The following SSH2 variants were observed in gnomAD, a reference collection of about 807,000 sequenced individuals.
SSH2 encodes slingshot protein phosphatase 2, also known as protein phosphatase Slingshot homolog 2.
Under a neutral mutation model 135.2 loss-of-function variants are expected in SSH2, and 37 were observed. The observed-to-expected ratio is 0.27, with a 90% confidence interval of 0.21 to 0.36. SSH2 has a LOEUF of 0.36. Among genes scored for constraint, SSH2 ranks in the 10% least tolerant of loss-of-function variants. The pLI, the probability that SSH2 is intolerant of heterozygous loss-of-function variation, is 1.00. For synonymous variants in SSH2, 628 were observed against 646.2 expected (o/e 0.97, Z 0.43); for missense variants, 1,408 against 1,765.3 (o/e 0.80, Z 3.63).
At chr17:29,656,245 C>T (rs1217324810) in intron 11 of SSH2, among the ~76,000 whole-genome samples, 4 of 152,098 alleles carry the variant, frequency 2.6e-5, no homozygotes, top group East Asian at 1.9e-4. Flanking sequence ...GGCGTGATCT[C>T]GGTTCACTGC....
At chr17:29,744,731 T>C (rs958132276) in intron 3 of SSH2, among the ~76,000 whole-genome samples, 1 of 152,162 alleles carries the variant, frequency 6.6e-6, no homozygotes, top group Non-Finnish European at 1.5e-5. Context: ...GCTCACTCCA[T>C]TGTAAATATT....
intron 2 of SSH2, among the ~76,000 whole-genome samples, chr17:29,813,307 C>T (rs1023555697): frequency 6.6e-6 from 1 of 151,796 alleles, no homozygotes; most frequent in Non-Finnish European, 1.5e-5. Context: ...CGCTTGAGCC[C>T]TGTAGGCGGA....
At chr17:29,635,896 A>G in intron 15 of SSH2, 72 bp downstream of exon 15, 2 of 1,183,668 alleles carry the variant, frequency 1.7e-6, no homozygotes, top group Non-Finnish European at 2.4e-6. Flanking sequence ...AAAAACAAAC[A>G]TAACATAATC....
chr17:29,782,633 T>C (rs559759107), intron 3 of SSH2, among the ~76,000 whole-genome samples: 1 of 151,624 alleles, frequency 6.6e-6, no homozygotes, highest in Admixed American at 6.6e-5. Flanking sequence ...TCGCCCAGGC[T>C]GGAGTGCAGT....
At chr17:29,760,832 C>T (rs1302660656) in intron 3 of SSH2, among the ~76,000 whole-genome samples, 1 of 152,184 alleles carries the variant, frequency 6.6e-6, no homozygotes, top group Non-Finnish European at 1.5e-5. Flanking sequence ...TTCCAAGTGC[C>T]AAACAGCTCA....
chr17:29,803,765 C>G (rs1258801090), intron 2 of SSH2, among the ~76,000 whole-genome samples: 1 of 152,124 alleles, frequency 6.6e-6, no homozygotes, highest in African/African-American at 2.4e-5. Flanking sequence ...AGCCTAGGGC[C>G]ATAGAGCTAT....
At chr17:29,759,810 T>A (rs1464164126) in intron 3 of SSH2, among the ~76,000 whole-genome samples, 1 of 152,220 alleles carries the variant, frequency 6.6e-6, no homozygotes, top group Non-Finnish European at 1.5e-5. Flanking sequence ...TGTTAATCCA[T>A]TCATCCATCC....
intron 11 of SSH2, among the ~76,000 whole-genome samples, chr17:29,666,638 G>A (rs958668485): frequency 2.0e-4 from 30 of 152,090 alleles, no homozygotes; most frequent in African/African-American, 6.3e-4. Flanking sequence ...AGACGAGATC[G>A]TGCCACCGCA....
intron 3 of SSH2, among the ~76,000 whole-genome samples, chr17:29,752,418 G>A (rs2040974538): frequency 6.6e-6 from 1 of 152,040 alleles, no homozygotes; most frequent in Non-Finnish European, 1.5e-5. Flanking sequence ...TCAAATTAGT[G>A]AAGTAAGAAT....
chr17:29,835,882 C>G (rs1174822386), intron 2 of SSH2, among the ~76,000 whole-genome samples: 1 of 150,952 alleles, frequency 6.6e-6, no homozygotes, highest in East Asian at 1.9e-4. Context: ...TGGCGTGAAC[C>G]CAGGAGGCGG....
intron 1 of SSH2, among the ~76,000 whole-genome samples, chr17:29,911,140 A>G (rs2066757023): frequency 6.6e-6 from 1 of 152,202 alleles, no homozygotes; most frequent in Non-Finnish European, 1.5e-5. Context: ...TAAAAGGGCT[A>G]GGTGCTATGC....
At chr17:29,667,312 T>A (rs1315625420) in intron 9 of SSH2, 89 bp from the exon 10 acceptor site, 4 of 1,023,404 alleles carry the variant, frequency 3.9e-6, no homozygotes, top group Non-Finnish European at 5.7e-6. Context: ...TGATCCTGTC[T>A]TCTTCAATAA....
At chr17:29,765,647 G>A (rs1189185585) in intron 3 of SSH2, among the ~76,000 whole-genome samples, 2 of 152,074 alleles carry the variant, frequency 1.3e-5, no homozygotes, top group Non-Finnish European at 2.9e-5. Flanking sequence ...TTTGTCTATG[G>A]GCAAACCTTA....
At chr17:29,912,147 C>A (rs779891868) in intron 1 of SSH2, among the ~76,000 whole-genome samples, 4 of 152,100 alleles carry the variant, frequency 2.6e-5, no homozygotes, top group African/African-American at 4.8e-5. Context: ...GGCACTGTAC[C>A]TTTTACCCCT....
chr17:29,770,249 C>T (rs931247394), intron 3 of SSH2, among the ~76,000 whole-genome samples: 7 of 151,680 alleles, frequency 4.6e-5, no homozygotes, highest in African/African-American at 1.5e-4. Context: ...GCTGGAATTA[C>T]AGGCTCGAGC....
chr17:29,828,300 T>C (rs1320361714), intron 2 of SSH2, among the ~76,000 whole-genome samples: 1 of 152,212 alleles, frequency 6.6e-6, no homozygotes, highest in African/African-American at 2.4e-5. Flanking sequence ...TTTATCTTCT[T>C]AAGCTACACA....
At chr17:29,772,266 G>A in intron 3 of SSH2, among the ~76,000 whole-genome samples, 1 of 144,340 alleles carries the variant, frequency 6.9e-6, no homozygotes, top group African/African-American at 2.6e-5. Flanking sequence ...TTTTTTTTGA[G>A]ACGGAGTCTC....
At position 29,770,106 on chromosome 17, in the gene SSH2, T is replaced by TG. The variant is rs199851841; in HGVS notation, c.188+23787_188+23788insC. Among the ~76,000 whole-genome samples the TG allele has an allele frequency of 3.2e-3, 482 of 148,712 alleles. 4 individuals are homozygous for TG. Among genetic ancestry groups the TG allele is most frequent in the African/African-American group, 0.01 (413 of 40,532 alleles). The stretch of plus-strand genomic sequence containing the variant: ...TGCTATATTTAGTTTTTTTTTTTTT[T>TG]TTTTTTTTTTTTTAACAGAGTCTCA... On this transcript the variant is annotated intron_variant, in intron 3 of 15. Transcript: ENST00000540801.
chr17:29,806,329 A>G (rs1260369021), intron 2 of SSH2, among the ~76,000 whole-genome samples: 1 of 152,242 alleles, frequency 6.6e-6, no homozygotes, highest in African/African-American at 2.4e-5. Context: ...ATTTGCTCAA[A>G]GTAACCTAAG....
Sources: gnomAD v4.1 joint callset for allele counts (sites outside exome capture counted in the v4.1 genomes callset) on GRCh38, gnomAD v4.1.1 for gene constraint, MANE v1.5 for transcripts, NCBI Gene and HGNC (gene_info 2026-07-23, HGNC 2026-07-21) for gene names.